The following TDRD7 variants were observed in gnomAD, a reference collection of about 807,000 sequenced individuals.
The protein encoded by TDRD7 is tudor domain-containing protein 7.
Under a neutral mutation model 109.8 loss-of-function variants are expected in TDRD7, and 47 were observed. That is an observed-to-expected ratio of 0.43 (90% CI 0.34 to 0.55). The LOEUF (loss-of-function observed/expected upper bound fraction) is 0.55, where lower values mean the gene tolerates loss of function less well. TDRD7 is among the 20% of genes least tolerant of loss of function. TDRD7 has a pLI of 0.03. For synonymous variants in TDRD7, 424 were observed against 457.3 expected (o/e 0.93, Z 0.93); for missense variants, 1,164 against 1,319.2 (o/e 0.88, Z 1.82).
At chr9:97,416,697 T>G (rs1243558714) in intron 1 of TDRD7, among the ~76,000 whole-genome samples, 1 of 152,208 alleles carries the variant, frequency 6.6e-6, no homozygotes, top group Non-Finnish European at 1.5e-5. Context: ...TGCAGATAAT[T>G]TTTTAGTAAC....
In TDRD7 at chr9:97,460,675, C is replaced by T. The variant is rs146047308; in HGVS notation, c.1353C>T (p.Asp451=). The change falls in exon 7 of 17, where the codon GAC becomes GAT. Residue 451 remains aspartate (D), a synonymous_variant. Transcript: ENST00000355295. ...IAESANTFME[D]ITVPPLMIPT... ...AAAGTGCTAATACCTTTATGGAGGA[C>T]ATAACAGTTCCTCCTTTAATGATTC... The T allele has an allele frequency of 2.9e-4, 465 of 1,613,924 alleles. 1 individual carries two copies. Among genetic ancestry groups the T allele is most frequent in the South Asian group, 1.1e-3 (96 of 91,082 alleles).
intron 1 of TDRD7, among the ~76,000 whole-genome samples, chr9:97,413,671 G>A (rs376591133): frequency 4.5e-4 from 68 of 152,332 alleles, no homozygotes; most frequent in Middle Eastern, 3.4e-3. Context: ...TCTGGGTATA[G>A]GGAATTGCCC....
chr9:97,489,086 A>G (rs1829259931), intron 16 of TDRD7, among the ~76,000 whole-genome samples: 1 of 152,188 alleles, frequency 6.6e-6, no homozygotes, highest in African/African-American at 2.4e-5. Flanking sequence ...TGAATGTTCC[A>G]TGTGAGCTTG....
chr9:97,474,538 C>G (rs1828979221), intron 11 of TDRD7, among the ~76,000 whole-genome samples: 1 of 152,068 alleles, frequency 6.6e-6, no homozygotes, highest in African/African-American at 2.4e-5. Context: ...ATAGGTATGC[C>G]AAAATATGTG....
rs906700071 is a variant in TDRD7 at position 97,415,910 on chromosome 9, T to C, written c.-7+3672T>C. ...TTCCGAAAGTTTCAAAAAAAAGTCATCATGAGCCACGTAACAAAACTCAGA... is the reference window on the plus strand; with the variant it reads ...TTCCGAAAGTTTCAAAAAAAAGTCACCATGAGCCACGTAACAAAACTCAGA... On this transcript the variant is annotated intron_variant, in intron 1 of 16. Transcript: ENST00000355295. Among the ~76,000 whole-genome samples the C allele has an allele frequency of 1.3e-5, 2 of 152,206 alleles. 1 individual carries two copies. Among genetic ancestry groups the C allele is most frequent in the South Asian group, 4.1e-4 (2 of 4,834 alleles).
At chr9:97,440,252 C>T (rs1375589904) in intron 5 of TDRD7, among the ~76,000 whole-genome samples, 4 of 152,172 alleles carry the variant, frequency 2.6e-5, no homozygotes, top group Non-Finnish European at 5.9e-5. Flanking sequence ...TGCAGTTCAC[C>T]TGGCAGAGCT....
intron 1 of TDRD7, among the ~76,000 whole-genome samples, chr9:97,417,754 T>C (rs1030693818): frequency 6.6e-6 from 1 of 152,186 alleles, no homozygotes; most frequent in Non-Finnish European, 1.5e-5. Context: ...AATCAAAATA[T>C]ATCAATGGCC....
chr9:97,419,576 A>G (rs732688), intron 1 of TDRD7, among the ~76,000 whole-genome samples: 11,130 of 152,234 alleles, frequency 0.073, 656 homozygotes, highest in African/African-American at 0.17. Context: ...GCATTCATTC[A>G]GAGTGTGGAC....
chr9:97,445,628 A>T (rs1828387169), intron 6 of TDRD7, among the ~76,000 whole-genome samples: 1 of 152,212 alleles, frequency 6.6e-6, no homozygotes, highest in African/African-American at 2.4e-5. Context: ...AGATTGTGCC[A>T]AAGCCCTGAG....
At chr9:97,487,694 A>G (rs564363851) in intron 16 of TDRD7, among the ~76,000 whole-genome samples, 2 of 151,182 alleles carry the variant, frequency 1.3e-5, no homozygotes, top group African/African-American at 2.4e-5. Flanking sequence ...CTTGTTTTTA[A>G]TGGGTGCAAA....
At chr9:97,471,784 C>T (rs935283160) in intron 9 of TDRD7, among the ~76,000 whole-genome samples, 3 of 152,136 alleles carry the variant, frequency 2.0e-5, no homozygotes, top group East Asian at 3.8e-4. Context: ...TTAAACACTA[C>T]TTAATCTGTC....
At chr9:97,490,549 T>TG (rs35717478) in intron 16 of TDRD7, among the ~76,000 whole-genome samples, 35,869 of 109,234 alleles carry the variant, frequency 0.33, 6,388 homozygotes, top group Non-Finnish European at 0.44. Flanking sequence ...TATATTTTGG[T>TG]GGGGGGGGGG....
chr9:97,490,268 A>G (rs955746336), intron 16 of TDRD7, among the ~76,000 whole-genome samples: 5 of 151,968 alleles, frequency 3.3e-5, no homozygotes, highest in Admixed American at 1.3e-4. Flanking sequence ...AAATTCTCCC[A>G]ATTTTTGTTT....
chr9:97,466,157 C>T (rs1375234761), intron 8 of TDRD7, among the ~76,000 whole-genome samples: 1 of 152,152 alleles, frequency 6.6e-6, no homozygotes, highest in East Asian at 1.9e-4. Flanking sequence ...TGCAAATGAC[C>T]AGTCCCTGAA....
intron 1 of TDRD7, among the ~76,000 whole-genome samples, chr9:97,415,576 C>T (rs1409841909): frequency 6.6e-6 from 1 of 152,172 alleles, no homozygotes; most frequent in African/African-American, 2.4e-5. Context: ...CCCAACTCCC[C>T]ACCCCACCTC....
intron 1 of TDRD7, among the ~76,000 whole-genome samples, chr9:97,425,279 G>T (rs1827968379): frequency 6.6e-6 from 1 of 152,100 alleles, no homozygotes; most frequent in African/African-American, 2.4e-5. Flanking sequence ...TTAGTCTTGT[G>T]CCAATAACAA....
chr9:97,477,285 A>G (rs1030517874), intron 12 of TDRD7, among the ~76,000 whole-genome samples: 2 of 152,204 alleles, frequency 1.3e-5, no homozygotes, highest in Non-Finnish European at 2.9e-5. Flanking sequence ...TCCACAGAAC[A>G]TACATTTCCC....
intron 1 of TDRD7, among the ~76,000 whole-genome samples, chr9:97,424,658 T>A (rs1490565442): frequency 1.3e-5 from 2 of 152,180 alleles, no homozygotes. Context: ...TCTTTTTACT[T>A]TTAACCTATG....
At chr9:97,471,111 A>G (rs1828903799) in intron 9 of TDRD7, among the ~76,000 whole-genome samples, 2 of 152,178 alleles carry the variant, frequency 1.3e-5, no homozygotes, top group Non-Finnish European at 2.9e-5. Flanking sequence ...ATCACAGGTC[A>G]CATGCAGTTT....
Sources: allele counts gnomAD v4.1 joint callset (sites outside exome capture counted in the v4.1 genomes callset), GRCh38; gene constraint gnomAD v4.1.1; transcripts MANE v1.5; gene names NCBI Gene and HGNC (gene_info 2026-07-23, HGNC 2026-07-21).